Variants in SLC25A48 observed in about 807,000 individuals in gnomAD.
The protein encoded by SLC25A48 is CTC-321K16.1.
In SLC25A48, 29 loss-of-function variants were observed where a neutral mutation model predicts 32.2. That is an observed-to-expected ratio of 0.90 (90% CI 0.67 to 1.23). The LOEUF (loss-of-function observed/expected upper bound fraction) is 1.23, where lower values mean the gene tolerates loss of function less well. Ranked by LOEUF, SLC25A48 falls within the 50% of genes most tolerant of loss-of-function variation. SLC25A48 has a pLI of 0.00. For missense variants in SLC25A48, 399 were observed against 422.7 expected (o/e 0.94, Z 0.49); for synonymous variants, 164 against 172.3 (o/e 0.95, Z 0.38).
At chr5:135,819,057 C>A (rs1757811852) in intron 4 of SLC25A48, among the ~76,000 whole-genome samples, 1 of 149,560 alleles carries the variant, frequency 6.7e-6, no homozygotes, top group African/African-American at 2.5e-5. Flanking sequence ...GGTTAAGAAA[C>A]AAATGAGCAG....
intron 3 of SLC25A48, among the ~76,000 whole-genome samples, chr5:135,795,115 G>A (rs2126636744): frequency 6.6e-6 from 1 of 151,946 alleles, no homozygotes; most frequent in South Asian, 2.1e-4. Context: ...CACCACTCCT[G>A]TGATATTGTT....
At chr5:135,579,613 CG>C in intron 1 of SLC25A48, 1 of 152,364 alleles carries the variant, frequency 6.6e-6, no homozygotes, top group Non-Finnish European at 1.5e-5. Flanking sequence ...TGTGTGTATG[CG>C]GGGGTGGGGA....
At chr5:135,866,600 C>T (rs1761223382) in intron 4 of SLC25A48, among the ~76,000 whole-genome samples, 1 of 152,212 alleles carries the variant, frequency 6.6e-6, no homozygotes, top group African/African-American at 2.4e-5. Flanking sequence ...ACAACCACCA[C>T]ACCCCAAAAT....
At chr5:135,647,228 T>A (rs2126921770) in intron 3 of SLC25A48, among the ~76,000 whole-genome samples, 1 of 152,304 alleles carries the variant, frequency 6.6e-6, no homozygotes, top group East Asian at 1.9e-4. Context: ...CACTGGTACT[T>A]TATATTAACT....
chr5:135,583,664 T>C (rs1332066378), intron 1 of SLC25A48, among the ~76,000 whole-genome samples: 1 of 151,846 alleles, frequency 6.6e-6, no homozygotes, highest in Non-Finnish European at 1.5e-5. Flanking sequence ...CTGTGTCCTG[T>C]ACCTAGCTAC....
upstream of SLC25A48, among the ~76,000 whole-genome samples, chr5:135,832,952 C>A (rs764830661): frequency 2.0e-5 from 3 of 152,186 alleles, no homozygotes; most frequent in Non-Finnish European, 2.9e-5. Context: ...GTGTAGAATG[C>A]AAATGTGAAT....
At chr5:135,652,554 A>G (rs1249586541) in intron 3 of SLC25A48, 1 of 407,070 alleles carries the variant, frequency 2.5e-6, no homozygotes, top group Non-Finnish European at 4.9e-6. Context: ...GCTGGGCTAA[A>G]TGAAAGGTGC....
At chr5:135,676,589 C>T (rs1259786168) in intron 3 of SLC25A48, among the ~76,000 whole-genome samples, 1 of 151,920 alleles carries the variant, frequency 6.6e-6, no homozygotes, top group Non-Finnish European at 1.5e-5. Flanking sequence ...TTCTGATGTA[C>T]ATGTTTATTG....
chr5:135,709,292 G>C (rs1025554157), intron 3 of SLC25A48, among the ~76,000 whole-genome samples: 2 of 152,166 alleles, frequency 1.3e-5, no homozygotes, highest in Admixed American at 1.3e-4. Flanking sequence ...CCTAGCCTTG[G>C]GCTCTTGGGC....
intron 1 of SLC25A48, among the ~76,000 whole-genome samples, chr5:135,589,831 A>AGCAGCCACACCTCAGCTGCTCT (rs1222960084): frequency 6.6e-6 from 1 of 152,114 alleles, no homozygotes; most frequent in African/African-American, 2.4e-5. Context: ...AGTAGCTGGG[A>AGCAGCCACACCTCAGCTGCTCT]CTATAGGTGC....
intron 4 of SLC25A48, among the ~76,000 whole-genome samples, chr5:135,820,482 GCA>G: frequency 6.6e-6 from 1 of 152,272 alleles, no homozygotes; most frequent in South Asian, 2.1e-4. Context: ...TTCATGAACA[GCA>G]CACTTTACGG....
intron 3 of SLC25A48, among the ~76,000 whole-genome samples, chr5:135,765,814 C>A (rs915294899): frequency 6.6e-6 from 1 of 151,444 alleles, no homozygotes; most frequent in African/African-American, 2.4e-5. Flanking sequence ...GGGGCATACA[C>A]CTTCCTGTGA....
rs569455420 is a variant in SLC25A48 at position 135,743,323 on chromosome 5, C to T, written c.-520-69200C>T. 8.0e-4 allele frequency among the ~76,000 whole-genome samples: 122 copies of T among 151,626 alleles called. 1 individual carries two copies. The highest frequency in any genetic ancestry group is 3.4e-3 in the Middle Eastern group (1 of 294). ...CCGACCTCAAGTGATCCACCCGCCT[C>T]GGCCTCCCAAAGTGTTGGAATTAAA... On this transcript the variant is annotated intron_variant, in intron 3 of 10. Transcript: ENST00000646290.
chr5:135,697,174 A>G (rs989761603), intron 3 of SLC25A48, among the ~76,000 whole-genome samples: 2 of 152,238 alleles, frequency 1.3e-5, no homozygotes, highest in African/African-American at 4.8e-5. Flanking sequence ...TGATGCTGGA[A>G]TGTGTCTCTT....
Position 135,598,612 on chromosome 5 carries a change from T to C in SLC25A48, c.-849+19015T>C, listed in dbSNP as rs886425249. Among the ~76,000 whole-genome samples, 11 of 152,034 alleles carry C rather than the reference T, an allele frequency of 7.2e-5. No individual in the cohort carries two copies. In the South Asian group the frequency reaches 8.3e-4, roughly 11 times the overall value. On this transcript the variant is annotated intron_variant, in intron 1 of 10. Coordinates refer to the SLC25A48 transcript ENST00000646290. ...CACTTCACAGAAGAAAAGAGTGAGGTAGGAATTTATGCTGAACAGGTCGGC... is the reference window on the plus strand; with the variant it reads ...CACTTCACAGAAGAAAAGAGTGAGGCAGGAATTTATGCTGAACAGGTCGGC...
In SLC25A48 at chr5:135,717,364, C is replaced by T. The variant is rs1452342906; in HGVS notation, c.-521+82408C>T. Among the ~76,000 whole-genome samples the T allele has an allele frequency of 3.3e-5, 5 of 152,284 alleles. No homozygotes were observed. In the South Asian group the frequency reaches 8.3e-4, roughly 25 times the overall value. On this transcript the variant is annotated intron_variant, in intron 3 of 10. Coordinates refer to the SLC25A48 transcript ENST00000646290. The stretch of plus-strand genomic sequence containing the variant: ...TGTGCCCTGCTTGAAGGTATCACTC[C>T]AGGCTGTCTTGTACCAGGGCCCGTC...
At chr5:135,611,496 C>CAAAAAAAAAAAAAAAAAAAAAAAAAAAAA (rs57138043) in intron 1 of SLC25A48, among the ~76,000 whole-genome samples, 9 of 21,344 alleles carry the variant, frequency 4.2e-4, no homozygotes, top group African/African-American at 6.2e-4. Flanking sequence ...GACTCCATCT[C>CAAAAAAAAAAAAAAAAAAAAAAAAAAAAA]AAAAAAAAAA....
chr5:135,584,704 TA>T (rs1182588143), intron 1 of SLC25A48, among the ~76,000 whole-genome samples: 1 of 152,172 alleles, frequency 6.6e-6, no homozygotes, highest in African/African-American at 2.4e-5. Flanking sequence ...TTGTTAAAAA[TA>T]AAGATTTAAA....
chr5:135,701,933 A>G (rs1283328849), intron 3 of SLC25A48, among the ~76,000 whole-genome samples: 1 of 152,266 alleles, frequency 6.6e-6, no homozygotes, highest in Non-Finnish European at 1.5e-5. Flanking sequence ...TTGTGTGCCC[A>G]GGCACTGGGC....
Sources: allele counts gnomAD v4.1 joint callset (sites outside exome capture counted in the v4.1 genomes callset), GRCh38; gene constraint gnomAD v4.1.1; transcripts MANE v1.5; gene names NCBI Gene and HGNC (gene_info 2026-07-23, HGNC 2026-07-21).